The following CCDC93 variants were observed in gnomAD, a reference collection of about 807,000 sequenced individuals.
CCDC93 encodes CCC complex scaffolding subunit CCDC93.
A neutral mutation model predicts 108.2 loss-of-function variants in CCDC93; 61 were observed. The observed-to-expected ratio is 0.56, with a 90% CI of 0.46 to 0.70. The LOEUF is 0.70. Ranked by LOEUF, CCDC93 falls within the 30% of genes least tolerant of loss-of-function variation. The pLI, the probability that CCDC93 is intolerant of heterozygous loss-of-function variation, is 0.00. For missense variants in CCDC93, 685 were observed against 764.2 expected (o/e 0.90, Z 1.22); for synonymous variants, 276 against 260.4 (o/e 1.06, Z -0.58).
chr2:117,986,415 C>G (rs1459891959), intron 6 of CCDC93, among the ~76,000 whole-genome samples: 2 of 152,122 alleles, frequency 1.3e-5, no homozygotes, highest in Admixed American at 1.3e-4. Flanking sequence ...GACTGCTAAG[C>G]TGGCTGTCAA....
At chr2:117,962,586 T>C (rs1299218680) in intron 11 of CCDC93, among the ~76,000 whole-genome samples, 1 of 152,126 alleles carries the variant, frequency 6.6e-6, no homozygotes, top group Non-Finnish European at 1.5e-5. Flanking sequence ...GAGGTTGCAG[T>C]GAGCCGAGGT....
intron 15 of CCDC93, 52 bp from the exon 16 acceptor site, chr2:117,946,934 G>A (rs531771632): frequency 1.0e-5 from 13 of 1,262,352 alleles, no homozygotes; most frequent in East Asian, 4.6e-5. Context: ...GTAATTAGAC[G>A]CAATTATTCA....
At chr2:117,922,394 T>C (rs1198129399) in intron 23 of CCDC93, among the ~76,000 whole-genome samples, 1 of 152,204 alleles carries the variant, frequency 6.6e-6, no homozygotes, top group Non-Finnish European at 1.5e-5. Flanking sequence ...TCTTTCCTGC[T>C]GAAAACTCTA....
intron 11 of CCDC93, among the ~76,000 whole-genome samples, chr2:117,968,552 A>G (rs1193635710): frequency 6.6e-6 from 1 of 152,172 alleles, no homozygotes; most frequent in East Asian, 1.9e-4. Flanking sequence ...CTCTACAAGA[A>G]CCATATTGAG....
In CCDC93 at chr2:117,917,162, C is replaced by A. The variant is rs1169580780; in HGVS notation, c.*3181G>T. ...GGTGATCAGTCACCTACAGAGTGGG[C>A]AAACAAGACCATATGAGGCAGCAGA... On this transcript the variant is annotated 3_prime_UTR_variant, in exon 24 of 24. Coordinates refer to ENST00000376300, the MANE Select transcript of CCDC93 (RefSeq NM_019044.5). The A allele has an allele frequency of 6.6e-6, 1 of 152,572 alleles. No individual in the cohort carries two copies. The highest frequency in any genetic ancestry group is 1.5e-5 in the Non-Finnish European group (1 of 68,058). The allele number at this position is 152,572 out of a possible 1,614,324, so 9.5% of individuals were successfully genotyped here.
intron 6 of CCDC93, 82 bp from the exon 7 acceptor site, chr2:117,986,151 G>GTTTAT: frequency 1.8e-6 from 1 of 553,814 alleles, no homozygotes; most frequent in Non-Finnish European, 3.2e-6. Context: ...CAGCCATGGG[G>GTTTAT]TATATTCTCT....
At chr2:117,990,481 C>T (rs745822725) in intron 6 of CCDC93, among the ~76,000 whole-genome samples, 3 of 152,188 alleles carry the variant, frequency 2.0e-5, no homozygotes, top group Non-Finnish European at 2.9e-5. Context: ...AAGTTCACAG[C>T]GGCCTTTCTG....
intron 6 of CCDC93, among the ~76,000 whole-genome samples, chr2:117,986,477 C>T (rs1260582502): frequency 6.6e-6 from 1 of 152,116 alleles, no homozygotes; most frequent in African/African-American, 2.4e-5. Context: ...TAGGCAGCTG[C>T]TATGCCAGCA....
intron 23 of CCDC93, among the ~76,000 whole-genome samples, chr2:117,922,331 G>A (rs1276953424): frequency 6.6e-6 from 1 of 152,062 alleles, no homozygotes; most frequent in East Asian, 1.9e-4. Flanking sequence ...CAAAAGAGGC[G>A]CTTTGGGTGT....
intron 18 of CCDC93, among the ~76,000 whole-genome samples, chr2:117,943,020 G>A (rs1361366970): frequency 6.6e-6 from 1 of 152,164 alleles, no homozygotes; most frequent in Non-Finnish European, 1.5e-5. Context: ...TATCTCAGAT[G>A]ATACTAAGTT....
At chr2:117,928,847 C>A (rs1384109240) in intron 23 of CCDC93, among the ~76,000 whole-genome samples, 1 of 152,182 alleles carries the variant, frequency 6.6e-6, no homozygotes, top group Non-Finnish European at 1.5e-5. Flanking sequence ...ATAGCAAATA[C>A]TTGGAACCAA....
chr2:117,993,773 G>A (rs892230399), intron 6 of CCDC93, among the ~76,000 whole-genome samples: 13 of 152,088 alleles, frequency 8.5e-5, no homozygotes, highest in Non-Finnish European at 1.8e-4. Flanking sequence ...TTGCTCTGTC[G>A]CCCAGTCTGG....
Position 117,934,570 on chromosome 2 carries a change from C to T in CCDC93, c.1728+925G>A, listed in dbSNP as rs150634508. The T allele has an allele frequency of 3.5e-3, 539 of 153,976 alleles. 2 individuals carry two copies. Among genetic ancestry groups the T allele is most frequent in the African/African-American group, 0.012 (502 of 41,558 alleles). 9.5% of individuals were successfully genotyped at this position (153,976 alleles called of 1,614,324 possible). ...CAGAGAGATTAATGATATTTTTCTA[C>T]AGGGAAAGGGATATGGAGCACTTCT... On this transcript the variant is annotated intron_variant, in intron 22 of 23. Coordinates refer to ENST00000376300, the MANE Select transcript of CCDC93 (RefSeq NM_019044.5).
At chr2:117,985,574 C>G (rs1680293521) in intron 7 of CCDC93, 1 of 176,686 alleles carries the variant, frequency 5.7e-6, no homozygotes, top group Non-Finnish European at 1.1e-5. Context: ...AAAACTACTT[C>G]TAAGTTCTTC....
At chr2:117,960,917 GAATT>G (rs1157911327) in intron 11 of CCDC93, among the ~76,000 whole-genome samples, 1 of 151,414 alleles carries the variant, frequency 6.6e-6, no homozygotes, top group East Asian at 1.9e-4. Flanking sequence ...TATTGGGTAT[GAATT>G]AATACATGTT....
rs1335037164 is a variant in CCDC93 at position 117,923,576 on chromosome 2, C to A, written c.1843-3180G>T. 3.3e-5 allele frequency among the ~76,000 whole-genome samples: 5 copies of A among 152,276 alleles called. No individual in the cohort carries two copies. The East Asian group carries it at 9.7e-4, about 29-fold the overall frequency. ...GGCAGTGAGGCTGGGGGAGGGGCACCCGCCATTTCTGAGGCTTGAGTAGGT... is the reference window on the plus strand; with the variant it reads ...GGCAGTGAGGCTGGGGGAGGGGCACACGCCATTTCTGAGGCTTGAGTAGGT... On this transcript the variant is annotated intron_variant, in intron 23 of 23. Transcript: ENST00000376300.
chr2:117,949,647 T>C (rs1388987844), intron 13 of CCDC93: 1 of 553,990 alleles, frequency 1.8e-6, no homozygotes, highest in Non-Finnish European at 2.3e-6. Flanking sequence ...TCTCCAAACC[T>C]ACACCCTTTG....
chr2:117,947,630 AGTT>A (rs1362612852), intron 15 of CCDC93, among the ~76,000 whole-genome samples: 2 of 151,524 alleles, frequency 1.3e-5, no homozygotes, highest in East Asian at 3.9e-4. Context: ...TTTGGCACAA[AGTT>A]ACTAACCATG....
At chr2:117,986,655 C>T (rs1232429193) in intron 6 of CCDC93, among the ~76,000 whole-genome samples, 2 of 152,098 alleles carry the variant, frequency 1.3e-5, no homozygotes, top group African/African-American at 4.8e-5. Flanking sequence ...TTCTGGTTAA[C>T]TTTATTATTT....
Sources: allele counts gnomAD v4.1 joint callset (sites outside exome capture counted in the v4.1 genomes callset), GRCh38; gene constraint gnomAD v4.1.1; transcripts MANE v1.5; gene names NCBI Gene and HGNC (gene_info 2026-07-23, HGNC 2026-07-21).